GRM8: variants seen among roughly 807,000 people sequenced by gnomAD.
The protein encoded by GRM8 is glutamate metabotropic receptor 8.
Under a neutral mutation model 87.2 loss-of-function variants are expected in GRM8, and 47 were observed. The observed-to-expected ratio is 0.54, with a 90% CI of 0.43 to 0.69. The LOEUF (loss-of-function observed/expected upper bound fraction) is 0.69, where lower values mean the gene tolerates loss of function less well. Among genes scored for constraint, GRM8 ranks in the 30% least tolerant of loss-of-function variants. GRM8 has a pLI of 0.00. For synonymous variants in GRM8, 396 were observed against 404.5 expected (o/e 0.98, Z 0.25); for missense variants, 1,019 against 1,139.2 (o/e 0.89, Z 1.52).
intron 9 of GRM8, among the ~76,000 whole-genome samples, chr7:126,508,401 T>C (rs761043944): frequency 2.0e-5 from 3 of 151,938 alleles, no homozygotes; most frequent in Non-Finnish European, 4.4e-5. Flanking sequence ...AGAGAGCCCA[T>C]TCCTAAAAGC....
chr7:127,119,972 C>T (rs1458550157), intron 2 of GRM8, among the ~76,000 whole-genome samples: 2 of 152,182 alleles, frequency 1.3e-5, no homozygotes, highest in Non-Finnish European at 2.9e-5. Context: ...GAGTTCCAGA[C>T]CCATGTCTTA....
chr7:126,873,974 CT>C (rs1297280633), intron 6 of GRM8, among the ~76,000 whole-genome samples: 4 of 152,182 alleles, frequency 2.6e-5, no homozygotes, highest in Admixed American at 2.6e-4. Context: ...TGGGTTACCC[CT>C]GCCATGAATA....
chr7:126,444,867 C>T (rs1289526013), intron 10 of GRM8, among the ~76,000 whole-genome samples: 1 of 151,842 alleles, frequency 6.6e-6, no homozygotes, highest in South Asian at 2.1e-4. Context: ...AATGCCTGAC[C>T]GGGTGTGGTA....
chr7:126,882,939 T>C (rs1462306246), intron 6 of GRM8, among the ~76,000 whole-genome samples: 1 of 152,242 alleles, frequency 6.6e-6, no homozygotes, highest in Non-Finnish European at 1.5e-5. Context: ...CAGGGAAGGC[T>C]GAAGGCTGTG....
intron 2 of GRM8, among the ~76,000 whole-genome samples, chr7:127,237,417 T>C (rs1205676764): frequency 6.6e-6 from 1 of 152,216 alleles, no homozygotes; most frequent in Non-Finnish European, 1.5e-5. Flanking sequence ...ATAAAACCCA[T>C]TGTATGCAAT....
chr7:126,685,908 C>G lies in GRM8; in HGVS notation c.1358-76410G>C, dbSNP rs570786841. Reference sequence around the variant, plus strand: ...CCATTCCCGCATACCAGAAGGTGAACTCGTAGCGCTTTTCCCTGGGCCCTC... The same window carrying G: ...CCATTCCCGCATACCAGAAGGTGAAGTCGTAGCGCTTTTCCCTGGGCCCTC... On this transcript the variant is annotated intron_variant, in intron 7 of 10. Coordinates refer to ENST00000339582, the MANE Select transcript of GRM8 (RefSeq NM_000845.3). The surrounding 1 kb of genome is among the most constrained non-coding windows in gnomAD (Gnocchi z 4.2). Among the ~76,000 whole-genome samples the G allele has an allele frequency of 6.6e-6, 1 of 152,044 alleles. No homozygotes were observed. The highest frequency in any genetic ancestry group is 2.4e-5 in the African/African-American group (1 of 41,484).
intron 8 of GRM8, among the ~76,000 whole-genome samples, chr7:126,598,887 A>G (rs1032560103): frequency 6.6e-6 from 1 of 152,038 alleles, no homozygotes; most frequent in African/African-American, 2.4e-5. Flanking sequence ...ATTCCCCACA[A>G]TGTTCTCTGA....
chr7:126,566,044 A>G lies in GRM8; in HGVS notation c.1495-32157T>C, dbSNP rs1794184056. On this transcript the variant is annotated intron_variant, in intron 8 of 10. Transcript: ENST00000339582. ...ATATGCAAAAATCAAGTCAAAATGG[A>G]TTAAAGAACTAAATGTAAGACCTGA... Among the ~76,000 whole-genome samples, 3 of 152,198 alleles carry G rather than the reference A, an allele frequency of 2.0e-5. No individual in the cohort carries two copies. The South Asian group carries it at 6.2e-4, about 31-fold the overall frequency.
At chr7:126,752,460 T>C (rs1474507015) in intron 7 of GRM8, among the ~76,000 whole-genome samples, 1 of 152,136 alleles carries the variant, frequency 6.6e-6, no homozygotes, top group South Asian at 2.1e-4. Flanking sequence ...GTTCACAGTG[T>C]GAACTTCAAG....
intron 8 of GRM8, among the ~76,000 whole-genome samples, chr7:126,553,850 C>T (rs867497516): frequency 2.0e-5 from 3 of 152,098 alleles, no homozygotes; most frequent in Non-Finnish European, 4.4e-5. Context: ...AAAATATAAG[C>T]GTACACTTAA....
chr7:126,677,823 A>G (rs1807143362), intron 7 of GRM8, among the ~76,000 whole-genome samples: 1 of 152,218 alleles, frequency 6.6e-6, no homozygotes, highest in Non-Finnish European at 1.5e-5. Flanking sequence ...ACCAAAAACC[A>G]TTTGTATTCG....
chr7:126,842,625 A>G (rs1442042190), intron 6 of GRM8, among the ~76,000 whole-genome samples: 3 of 152,206 alleles, frequency 2.0e-5, no homozygotes, highest in Admixed American at 6.5e-5. Context: ...AGAAGGCCCA[A>G]TATGATCACA....
chr7:126,831,140 C>T (rs1012380326), intron 6 of GRM8, among the ~76,000 whole-genome samples: 1 of 152,316 alleles, frequency 6.6e-6, no homozygotes, highest in East Asian at 1.9e-4. Context: ...AGTTAGGCTG[C>T]TTGGGGGTCA....
intron 7 of GRM8, among the ~76,000 whole-genome samples, chr7:126,665,005 A>T (rs928413546): frequency 5.9e-5 from 9 of 152,184 alleles, no homozygotes; most frequent in African/African-American, 2.2e-4. Flanking sequence ...GCCAAAAAAC[A>T]TGGAAAAATG....
intron 3 of GRM8, among the ~76,000 whole-genome samples, chr7:127,068,367 C>T (rs769492946): frequency 3.3e-5 from 5 of 152,116 alleles, no homozygotes; most frequent in African/African-American, 4.8e-5. Context: ...GTGCCTAGTG[C>T]TAAGGGGATT....
chr7:126,551,477 T>C (rs1792577909), intron 8 of GRM8, among the ~76,000 whole-genome samples: 1 of 152,168 alleles, frequency 6.6e-6, no homozygotes, highest in Non-Finnish European at 1.5e-5. Context: ...TTAAACATCA[T>C]TGCTGTACTT....
In GRM8 at chr7:126,685,794, G is replaced by A. The variant is rs754938044; in HGVS notation, c.1358-76296C>T. Among the ~76,000 whole-genome samples the A allele has an allele frequency of 1.3e-4, 20 of 152,016 alleles. No individual in the cohort carries two copies. In the East Asian group the frequency reaches 1.8e-3, roughly 13 times the overall value. On this transcript the variant is annotated intron_variant, in intron 7 of 10. Transcript: ENST00000339582. The surrounding 1 kb of genome is among the most constrained non-coding windows in gnomAD (Gnocchi z 4.2). ...CTGGGTGCGATGAATGGTGACAGGC[G>A]GCAGACAGGCTCCTGGGCAGAAGGG...
At chr7:126,638,961 C>T (rs1288120754) in intron 7 of GRM8, among the ~76,000 whole-genome samples, 2 of 152,190 alleles carry the variant, frequency 1.3e-5, no homozygotes, top group Non-Finnish European at 2.9e-5. Flanking sequence ...CATTTTCCAC[C>T]TCACGTGCCA....
At chr7:126,646,400 CA>C (rs1051037255) in intron 7 of GRM8, among the ~76,000 whole-genome samples, 2 of 152,094 alleles carry the variant, frequency 1.3e-5, no homozygotes, top group African/African-American at 4.8e-5. Flanking sequence ...TCTTTTCAGC[CA>C]AAGGTCTCAA....
Sources: gnomAD v4.1 joint callset for allele counts (sites outside exome capture counted in the v4.1 genomes callset) on GRCh38, gnomAD v4.1.1 for gene constraint, Gnocchi (gnomAD v3.1) non-coding constraint, MANE v1.5 for transcripts, NCBI Gene and HGNC (gene_info 2026-07-23, HGNC 2026-07-21) for gene names.